The following MXD4 variants were observed in gnomAD, a reference collection of about 807,000 sequenced individuals.
MXD4 encodes the protein Mad4 homolog.
In MXD4, 16 loss-of-function variants were observed where a neutral mutation model predicts 24.5. That is an observed-to-expected ratio of 0.65 (90% CI 0.44 to 0.99). The LOEUF is 0.99. MXD4 is among the 50% of genes least tolerant of loss of function. MXD4 has a pLI of 0.00. For synonymous variants in MXD4, 164 were observed against 134.2 expected (o/e 1.22, Z -1.54); for missense variants, 301 against 301.5 (o/e 1.00, Z 0.01).
chr4:2,260,956 A>C lies in MXD4; in HGVS notation c.164+769T>G, dbSNP rs147555394. Among the ~76,000 whole-genome samples the C allele has an allele frequency of 1.5e-3, 222 of 152,278 alleles. 2 individuals carry two copies. Among genetic ancestry groups the C allele is most frequent in the African/African-American group, 5.1e-3 (210 of 41,564 alleles). ...CCCACTCCCCACGCGGGGGACCTGT[A>C]CGCACCCCAGCTTCAGGGCTTCTGC... On this transcript the variant is annotated intron_variant, in intron 2 of 5. Transcript: ENST00000337190.
chr4:2,253,849 G>A (rs569125434), intron 3 of MXD4: 3 of 152,394 alleles, frequency 2.0e-5, no homozygotes, highest in South Asian at 4.1e-4. Context: ...TGTCTCCCAT[G>A]CACAGGTGCA....
chr4:2,250,356 G>A lies in MXD4; in HGVS notation c.*188C>T, dbSNP rs1358359129. 1 of 778,590 alleles carries A rather than the reference G, an allele frequency of 1.3e-6. No homozygotes were observed. Among genetic ancestry groups the A allele is most frequent in the Non-Finnish European group, 2.0e-6 (1 of 505,080 alleles). The allele number at this position is 778,590 out of a possible 1,614,324, so 48.2% of individuals were successfully genotyped here. A position where few individuals can be genotyped will look rare whatever the true frequency, so the allele number is the denominator to read the frequency against. ...TCCTTGCAGGGGACTCTGCCCAGCT[G>A]GAAGGGGCAGGCAGCTCGGCAGGCC... On this transcript the variant is annotated 3_prime_UTR_variant, in exon 6 of 6. Transcript: ENST00000337190.
rs1321984041 is a variant in MXD4, at chr4:2,249,844, G to C, written c.*700C>G. On this transcript the variant is annotated 3_prime_UTR_variant, in exon 6 of 6. Transcript: ENST00000337190. ...GACGCCCAGGTGTGTCTGCATGTGT[G>C]AGCATGTACATGAGTGGGTGTGTCT... is the stretch of plus-strand genomic sequence containing the variant. 3.9e-5 allele frequency: 6 copies of C among 152,764 alleles called. No homozygotes were observed. 9.5% of individuals were successfully genotyped at this position (152,764 alleles called of 1,614,324 possible). A position where few individuals can be genotyped will look rare whatever the true frequency, so the allele number is the denominator to read the frequency against.
Position 2,261,789 on chromosome 4 carries a change from C to T in MXD4, c.100G>A (p.Asp34Asn). The change falls in exon 2 of 6, where the codon GAC (aspartate) becomes AAC (asparagine). Residue 34 changes from aspartate (D) to asparagine (N), a missense_variant. Asp to Asn is a conservative substitution (Grantham distance 23). Coordinates refer to ENST00000337190, the MANE Select transcript of MXD4 (RefSeq NM_006454.3). ...EHGYASVLPF[D>N]GDFAREKTKA... The stretch of plus-strand genomic sequence containing the variant: ...GTTTTCTCCCTGGCGAAGTCGCCGT[C>T]GAAGGGCAGCACCGAGGCGTAGCCG... 7.0e-7 allele frequency: 1 copy of T among 1,429,984 alleles called. No individual in the cohort carries two copies. Among genetic ancestry groups the T allele is most frequent in the Non-Finnish European group, 9.2e-7 (1 of 1,084,000 alleles). The allele number at this position is 1,429,984 out of a possible 1,614,324, so 88.6% of individuals were successfully genotyped here.
rs1735241271 is a variant in MXD4, at chr4:2,248,361, GAGC to G, written c.*2180_*2182del. On this transcript the variant is annotated 3_prime_UTR_variant, in exon 6 of 6. Coordinates refer to ENST00000337190, the MANE Select transcript of MXD4 (RefSeq NM_006454.3). The stretch of plus-strand genomic sequence containing the variant: ...GGTGGATTCTGCTGGTCAGAGATGA[GAGC>G]AGAAGCCCCTAGCTGCCTCAGGCAC... 5.2e-5 allele frequency: 8 copies of G among 152,478 alleles called. No individual in the cohort carries two copies. Among genetic ancestry groups the G allele is most frequent in the Admixed American group, 4.6e-4 (7 of 15,288 alleles). 9.4% of individuals were successfully genotyped at this position (152,478 alleles called of 1,614,324 possible).
At chr4:2,255,275 G>A (rs1052222037) in intron 3 of MXD4, 4 of 455,716 alleles carry the variant, frequency 8.8e-6, no homozygotes, top group African/African-American at 8.0e-5. Flanking sequence ...CTCAGCCTCT[G>A]AGTGCCTGGG....
In MXD4 at chr4:2,248,116, CCT is replaced by C. The variant is rs1310534743; in HGVS notation, c.*2426_*2427del. On this transcript the variant is annotated 3_prime_UTR_variant, in exon 6 of 6. Transcript: ENST00000337190. ...GCCTCCAGTGATGGCAGCCTGGGCC[CCT>C]GACAGGGAGCAGTGGGAGGTTGGAG... The C allele has an allele frequency of 2.6e-5, 4 of 152,686 alleles. No homozygotes were observed. Among genetic ancestry groups the C allele is most frequent in the Admixed American group, 2.0e-4 (3 of 15,294 alleles). The allele number at this position is 152,686 out of a possible 1,614,324, so 9.5% of individuals were successfully genotyped here.
intron 3 of MXD4, among the ~76,000 whole-genome samples, chr4:2,256,317 C>T (rs964154056): frequency 3.9e-5 from 6 of 152,206 alleles, no homozygotes; most frequent in Non-Finnish European, 5.9e-5. Flanking sequence ...GGATGAGGAG[C>T]AGGGCTGGGC....
chr4:2,254,511 C>T (rs1252185041), intron 3 of MXD4: 1 of 152,106 alleles, frequency 6.6e-6, no homozygotes, highest in Admixed American at 6.5e-5. Flanking sequence ...CACACACAGA[C>T]ATTGCTGTGA....
chr4:2,261,855 C>T (rs758973830), intron 1 of MXD4, 31 bp from the exon 2 acceptor site: 4 of 1,368,120 alleles, frequency 2.9e-6, no homozygotes, highest in Admixed American at 3.6e-5. Flanking sequence ...CAGCGGCCCC[C>T]GCCCGGCACG....
chr4:2,257,615 T>C (rs548662394), intron 3 of MXD4, among the ~76,000 whole-genome samples: 5 of 152,364 alleles, frequency 3.3e-5, no homozygotes, highest in Non-Finnish European at 5.9e-5. Context: ...CACGGCTTCT[T>C]GGAAGGCAGA....
Position 2,250,490 on chromosome 4 carries a change from G to C in MXD4, c.*54C>G. ...TGGCGTCAACTGAAGGAGAACTGGA[G>C]GGCTGACACGCGTGGCTGGCGGGCA... is the stretch of plus-strand genomic sequence containing the variant. On this transcript the variant is annotated 3_prime_UTR_variant, in exon 6 of 6. Coordinates refer to ENST00000337190, the MANE Select transcript of MXD4 (RefSeq NM_006454.3). 1 of 1,493,130 alleles carries C rather than the reference G, an allele frequency of 6.7e-7. No individual in the cohort carries two copies. Among genetic ancestry groups the C allele is most frequent in the Non-Finnish European group, 8.9e-7 (1 of 1,119,050 alleles). 92.5% of individuals were successfully genotyped at this position (1,493,130 alleles called of 1,614,324 possible).
chr4:2,250,787 C>A, intron 5 of MXD4, 86 bp from the exon 6 acceptor site: 1 of 1,499,960 alleles, frequency 6.7e-7, no homozygotes, highest in Non-Finnish European at 9.0e-7. Flanking sequence ...AAGCTCTAGG[C>A]AGAGGGGCAG....
intron 2 of MXD4, chr4:2,258,944 A>T (rs765952568): frequency 3.0e-4 from 137 of 456,098 alleles, no homozygotes; most frequent in Non-Finnish European, 5.5e-4. Flanking sequence ...GTGCCACAGC[A>T]TCTGCCTGGA....
At chr4:2,261,188 C>T (rs966354012) in intron 2 of MXD4, among the ~76,000 whole-genome samples, 1 of 152,238 alleles carries the variant, frequency 6.6e-6, no homozygotes, top group African/African-American at 2.4e-5. Context: ...GGAGTGAGGG[C>T]CCAGGACAGC....
intron 5 of MXD4, 64 bp downstream of exon 5, chr4:2,251,020 C>T: frequency 1.4e-6 from 2 of 1,458,762 alleles, no homozygotes; most frequent in South Asian, 1.4e-5. Context: ...CCTCTCCACC[C>T]AGGGAGCTGC....
intron 2 of MXD4, among the ~76,000 whole-genome samples, chr4:2,259,805 C>T (rs1276707699): frequency 6.6e-6 from 1 of 152,190 alleles, no homozygotes; most frequent in Non-Finnish European, 1.5e-5. Context: ...AGTGCGTTCC[C>T]AGCATTCCCG....
intron 2 of MXD4, chr4:2,260,721 G>C: frequency 2.5e-6 from 1 of 398,178 alleles, no homozygotes; most frequent in African/African-American, 2.1e-5. Flanking sequence ...CACAGAAATG[G>C]GTCCCTACAC....
chr4:2,248,931 GCA>G lies in MXD4; in HGVS notation c.*1611_*1612del, dbSNP rs1417043342. The G allele has an allele frequency of 6.6e-6, 1 of 152,392 alleles. No individual in the cohort carries two copies. 9.4% of individuals were successfully genotyped at this position (152,392 alleles called of 1,614,324 possible). Reference sequence around the variant, plus strand: ...GTGCCAGGCCTGCACCACCCAGCGAGCACAGTCTTCATTGGCTGCCAGTGTCT... The same window carrying G: ...GTGCCAGGCCTGCACCACCCAGCGAGCAGTCTTCATTGGCTGCCAGTGTCT... On this transcript the variant is annotated 3_prime_UTR_variant, in exon 6 of 6. Coordinates refer to ENST00000337190, the MANE Select transcript of MXD4 (RefSeq NM_006454.3).
Sources: gnomAD v4.1 joint callset for allele counts (sites outside exome capture counted in the v4.1 genomes callset) on GRCh38, gnomAD v4.1.1 for gene constraint, MANE v1.5 for transcripts, NCBI Gene and HGNC (gene_info 2026-07-23, HGNC 2026-07-21) for gene names.